The following TRAK2 variants were observed in gnomAD, a reference collection of about 807,000 sequenced individuals.
TRAK2 encodes the protein trafficking kinesin-binding protein 2.
TRAK2 carries 81 observed loss-of-function variants against 104.6 expected under a neutral mutation model. The observed-to-expected ratio is 0.77, with a 90% confidence interval of 0.65 to 0.93. The LOEUF is 0.93. TRAK2 is among the 40% of genes least tolerant of loss of function. The pLI is 0.00. For synonymous variants in TRAK2, 406 were observed against 394.4 expected (o/e 1.03, Z -0.35); for missense variants, 1,002 against 1,089.0 (o/e 0.92, Z 1.12).
At chr2:201,389,602 A>G in intron 11 of TRAK2, 99 bp from the exon 12 acceptor site, 2 of 1,215,074 alleles carry the variant, frequency 1.6e-6, no homozygotes, top group Non-Finnish European at 1.2e-6. Context: ...AGCCACCCTG[A>G]GGAGCTATTT....
chr2:201,388,561 A>G (rs1951413654), intron 12 of TRAK2, among the ~76,000 whole-genome samples: 3 of 152,372 alleles, frequency 2.0e-5, no homozygotes, highest in Admixed American at 6.5e-5. Context: ...CTGCATTTTT[A>G]TAGTTGTCTG....
intron 2 of TRAK2, among the ~76,000 whole-genome samples, chr2:201,418,478 T>C (rs1321149949): frequency 2.6e-5 from 4 of 152,200 alleles, no homozygotes; most frequent in Non-Finnish European, 5.9e-5. Context: ...AGAATAATTT[T>C]TGAAAAAGAG....
intron 7 of TRAK2, among the ~76,000 whole-genome samples, chr2:201,396,047 T>C (rs1951498320): frequency 6.6e-6 from 1 of 152,166 alleles, no homozygotes; most frequent in Admixed American, 6.5e-5. Flanking sequence ...TACATGCACA[T>C]AAAATAGAGC....
chr2:201,390,053 T>C (rs1391275770), intron 10 of TRAK2, among the ~76,000 whole-genome samples, 173 bp from the exon 11 acceptor site: 2 of 152,172 alleles, frequency 1.3e-5, no homozygotes, highest in African/African-American at 4.8e-5. Context: ...CCAACTACCT[T>C]TTCATAATCT....
chr2:201,387,876 T>C lies in TRAK2; in HGVS notation c.1523A>G (p.Gln508Arg). 1 of 1,614,200 alleles carries C rather than the reference T, an allele frequency of 6.2e-7. No homozygotes were observed. Among genetic ancestry groups the C allele is most frequent in the Non-Finnish European group, 8.5e-7 (1 of 1,180,028 alleles). Residue 508 changes from glutamine (Q) to arginine (R), a missense_variant, in exon 13 of 16, where the codon CAG becomes CGG. Physicochemically the swap from Gln to Arg is conservative, Grantham distance 43. Coordinates refer to ENST00000332624, the MANE Select transcript of TRAK2 (RefSeq NM_015049.3). ...SEKQFFAEEW[Q>R]RKIQVLADQK... ...GTCTGCCAGAACCTGGATCTTCCGC[T>C]GCCATTCTTCAGCAAAGAACTGCTT...
intron 2 of TRAK2, chr2:201,411,564 G>A: frequency 1.3e-6 from 1 of 760,866 alleles, no homozygotes; most frequent in Admixed American, 1.7e-5. Flanking sequence ...GGAAATGAAA[G>A]AATTGAACTG....
intron 1 of TRAK2, among the ~76,000 whole-genome samples, chr2:201,441,664 CCAGA>C (rs1216595400): frequency 1.3e-5 from 2 of 150,288 alleles, no homozygotes; most frequent in African/African-American, 2.4e-5. Flanking sequence ...CTTTCTTCCT[CCAGA>C]CAGTGTGCTC....
intron 4 of TRAK2, among the ~76,000 whole-genome samples, chr2:201,400,582 A>G (rs1028068762): frequency 6.6e-6 from 1 of 152,040 alleles, no homozygotes; most frequent in Non-Finnish European, 1.5e-5. Flanking sequence ...CACTATACAT[A>G]TTAAAAATGC....
At chr2:201,387,642 C>T in intron 13 of TRAK2, 61 bp downstream of exon 13, 17 of 1,462,700 alleles carry the variant, frequency 1.2e-5, no homozygotes, top group Non-Finnish European at 1.6e-5. Flanking sequence ...AATCTCAATT[C>T]CAGGGAAAGG....
intron 3 of TRAK2, among the ~76,000 whole-genome samples, chr2:201,404,687 C>G (rs1349098386): frequency 1.3e-5 from 2 of 152,216 alleles, no homozygotes; most frequent in African/African-American, 4.8e-5. Flanking sequence ...TTCTCAAGAT[C>G]TAAAGTTTTT....
chr2:201,443,884 T>A (rs1951944779), intron 1 of TRAK2, among the ~76,000 whole-genome samples: 1 of 152,082 alleles, frequency 6.6e-6, no homozygotes, highest in South Asian at 2.1e-4. Context: ...AAGAATAGTG[T>A]TTTTAAAGCT....
chr2:201,442,758 C>T (rs902584424), intron 1 of TRAK2, among the ~76,000 whole-genome samples: 21 of 152,206 alleles, frequency 1.4e-4, no homozygotes, highest in African/African-American at 4.3e-4. Context: ...AGCTAGCTTT[C>T]GCTCCAAACT....
chr2:201,420,653 C>T lies in TRAK2; in HGVS notation c.-146G>A. On this transcript the variant is annotated 5_prime_UTR_variant, in exon 2 of 16. An upstream start codon of the reference 5' UTR is lost. Transcript: ENST00000332624. ...AGATTTTCTCTGATGAGTCAAATGACATCCGTAGCAACGAGCACTCTCATG... is the reference window on the plus strand; with the variant it reads ...AGATTTTCTCTGATGAGTCAAATGATATCCGTAGCAACGAGCACTCTCATG... 2 of 644,878 alleles carry T rather than the reference C, an allele frequency of 3.1e-6. No homozygotes were observed. The highest frequency in any genetic ancestry group is 3.7e-5 in the South Asian group (2 of 53,568). 39.9% of individuals were successfully genotyped at this position (644,878 alleles called of 1,614,324 possible).
intron 1 of TRAK2, chr2:201,433,512 C>T (rs1313396489): frequency 6.6e-6 from 1 of 152,164 alleles, no homozygotes; most frequent in Non-Finnish European, 1.5e-5. Context: ...TTTAAACGTC[C>T]AAAACCGTGT....
intron 1 of TRAK2, among the ~76,000 whole-genome samples, chr2:201,425,326 C>T (rs1022236908): frequency 9.2e-5 from 14 of 152,194 alleles, no homozygotes; most frequent in African/African-American, 1.4e-4. Flanking sequence ...TTTAGGTAAA[C>T]TAAACAACAG....
At chr2:201,396,631 C>T (rs1480177497) in intron 7 of TRAK2, among the ~76,000 whole-genome samples, 2 of 152,028 alleles carry the variant, frequency 1.3e-5, no homozygotes, top group East Asian at 1.9e-4. Context: ...TATATCAGCA[C>T]ACTTTGGGGC....
intron 3 of TRAK2, 135 bp downstream of exon 3, chr2:201,407,268 T>C (rs11691859): frequency 0.63 from 457,943 of 722,236 alleles, 148,922 homozygotes; most frequent in South Asian, 0.69. Flanking sequence ...TATCTCTTCC[T>C]GTGAAATCAG....
chr2:201,385,031 T>C (rs1401995313), intron 14 of TRAK2, among the ~76,000 whole-genome samples: 4 of 152,140 alleles, frequency 2.6e-5, no homozygotes, highest in Non-Finnish European at 5.9e-5. Context: ...ATGTTAAAAA[T>C]GAATGAAGTG....
Position 201,399,289 on chromosome 2 carries a change from C to T in TRAK2, c.480+88G>A, listed in dbSNP as rs1224673661. 7 of 804,628 alleles carry T rather than the reference C, an allele frequency of 8.7e-6. No individual in the cohort carries two copies. In the South Asian group the frequency reaches 1.2e-4, roughly 14 times the overall value. The allele number at this position is 804,628 out of a possible 1,614,324, so 49.8% of individuals were successfully genotyped here. On this transcript the variant is annotated intron_variant, in intron 5 of 15. Transcript: ENST00000332624. ...AGTACTGGTGTTATTTATCTATTGC[C>T]ATCATTTCAGGGACACCTAGGAAAA...
Sources: allele counts gnomAD v4.1 joint callset (sites outside exome capture counted in the v4.1 genomes callset), GRCh38; gene constraint gnomAD v4.1.1; transcripts MANE v1.5; gene names NCBI Gene and HGNC (gene_info 2026-07-23, HGNC 2026-07-21).